The following IARS2 variants were observed in gnomAD, a reference collection of about 807,000 sequenced individuals.
IARS2 encodes the protein isoleucyl-tRNA synthetase 2, mitochondrial.
In IARS2, 56 loss-of-function variants were observed where a neutral mutation model predicts 126.3. The observed-to-expected ratio is 0.44, with a 90% confidence interval of 0.36 to 0.55. IARS2 has a LOEUF of 0.55. IARS2 is among the 20% of genes least tolerant of loss of function. IARS2 has a pLI of 0.00. For synonymous variants in IARS2, 407 were observed against 441.1 expected (o/e 0.92, Z 0.97); for missense variants, 1,127 against 1,245.9 (o/e 0.90, Z 1.44).
chr1:220,120,721 A>G (rs1657025059), intron 12 of IARS2, among the ~76,000 whole-genome samples: 1 of 152,118 alleles, frequency 6.6e-6, no homozygotes, highest in Non-Finnish European at 1.5e-5. Context: ...ATTATGTACA[A>G]CATGTTTTGA....
At position 220,147,220 on chromosome 1, in the gene IARS2, GCT is replaced by G. The variant is rs541725139; in HGVS notation, c.2897-270_2897-269del. 9.7e-4 allele frequency among the ~76,000 whole-genome samples: 148 copies of G among 152,306 alleles called. 2 individuals carry two copies. The highest frequency in any genetic ancestry group is 3.4e-3 in the Middle Eastern group (1 of 294). On this transcript the variant is annotated intron_variant, in intron 22 of 22. Coordinates refer to ENST00000366922, the MANE Select transcript of IARS2 (RefSeq NM_018060.4). ...CCCAAATTTAACAGCTAGAAAGTCT[GCT>G]CTGCCTGAGTAGATGTAGAACTCGG...
chr1:220,138,998 C>T lies in IARS2; in HGVS notation c.2176-10C>T. 3 of 1,600,786 alleles carry T rather than the reference C, an allele frequency of 1.9e-6. No individual in the cohort carries two copies. The highest frequency in any genetic ancestry group is 1.8e-5 in the Admixed American group (1 of 56,442). On this transcript the variant is annotated splice_polypyrimidine_tract_variant and intron_variant, in intron 17 of 22. Coordinates refer to ENST00000366922, the MANE Select transcript of IARS2 (RefSeq NM_018060.4). The stretch of plus-strand genomic sequence containing the variant: ...TTTTTTAACTGCATATTTTTTCTTC[C>T]TATGAATAGCTTAGGAATACACTTC...
Position 220,114,490 on chromosome 1 carries a change from A to G in IARS2, c.1640+16A>G. The stretch of plus-strand genomic sequence containing the variant: ...TGATCAACAGGTAGAATGCTTTCTA[A>G]AATTTTTTAGTGTTTTAAAGTGAAA... On this transcript the variant is annotated intron_variant, in intron 12 of 22. Coordinates refer to ENST00000366922, the MANE Select transcript of IARS2 (RefSeq NM_018060.4). 6.3e-6 allele frequency: 10 copies of G among 1,580,878 alleles called. No homozygotes were observed. The highest frequency in any genetic ancestry group is 8.6e-6 in the Non-Finnish European group (10 of 1,166,838).
intron 1 of IARS2, 111 bp from the exon 2 acceptor site, chr1:220,095,993 G>C (rs762513870): frequency 1.6e-6 from 1 of 639,428 alleles, no homozygotes; most frequent in Non-Finnish European, 2.7e-6. Context: ...GAATGGAATA[G>C]ATTGGAATGT....
chr1:220,113,039 A>AT (rs1467849201), intron 11 of IARS2, among the ~76,000 whole-genome samples: 1 of 151,812 alleles, frequency 6.6e-6, no homozygotes, highest in Non-Finnish European at 1.5e-5. Flanking sequence ...ATTTTTTTGT[A>AT]TTTTTGGTAG....
intron 14 of IARS2, among the ~76,000 whole-genome samples, chr1:220,133,288 G>A (rs1216804833): frequency 4.6e-5 from 7 of 152,024 alleles, no homozygotes; most frequent in South Asian, 2.1e-4. Context: ...TTACAGGCAC[G>A]AGACACTGCA....
chr1:220,105,092 A>T (rs1352451608), intron 8 of IARS2, among the ~76,000 whole-genome samples: 1 of 152,114 alleles, frequency 6.6e-6, no homozygotes, highest in Non-Finnish European at 1.5e-5. Flanking sequence ...CAATAGGGTA[A>T]TAAAAATAAA....
At chr1:220,113,970 A>G (rs1015311914) in intron 11 of IARS2, among the ~76,000 whole-genome samples, 4 of 152,206 alleles carry the variant, frequency 2.6e-5, no homozygotes, top group East Asian at 3.8e-4. Context: ...TTAGTGAAGT[A>G]TAATAGTTCT....
intron 16 of IARS2, chr1:220,137,708 A>G (rs1657403245): frequency 7.5e-6 from 4 of 534,098 alleles, no homozygotes; most frequent in Non-Finnish European, 1.3e-5. Context: ...GCATTGAACA[A>G]GATTGCAGAG....
At chr1:220,100,029 T>C (rs1476133395) in intron 2 of IARS2, among the ~76,000 whole-genome samples, 1 of 152,232 alleles carries the variant, frequency 6.6e-6, no homozygotes, top group East Asian at 1.9e-4. Flanking sequence ...GAGCCAAATC[T>C]ATCCTTTGCC....
chr1:220,136,253 T>C (rs1052475510), intron 15 of IARS2, among the ~76,000 whole-genome samples: 1 of 152,108 alleles, frequency 6.6e-6, no homozygotes, highest in African/African-American at 2.4e-5. Context: ...TGCCTCAGCC[T>C]CCCAAGTATC....
At chr1:220,129,118 A>G (rs566013223) in intron 14 of IARS2, among the ~76,000 whole-genome samples, 23 of 152,158 alleles carry the variant, frequency 1.5e-4, no homozygotes, top group African/African-American at 5.5e-4. Flanking sequence ...CCTGGCCTCA[A>G]GTGATCCATC....
At chr1:220,126,708 T>G in intron 13 of IARS2, 42 bp from the exon 14 acceptor site, 5 of 1,420,968 alleles carry the variant, frequency 3.5e-6, no homozygotes, top group South Asian at 1.2e-5. Context: ...GTCTATATTG[T>G]GATCTTTGTG....
chr1:220,101,131 T>G (rs1362300674), intron 3 of IARS2, among the ~76,000 whole-genome samples: 5 of 152,190 alleles, frequency 3.3e-5, no homozygotes, highest in African/African-American at 4.8e-5. Flanking sequence ...TACTTCCTTG[T>G]GAAACCTATT....
Position 220,094,493 on chromosome 1 carries a change from C to A in IARS2, c.267+10C>A. On this transcript the variant is annotated intron_variant, in intron 1 of 22. Transcript: ENST00000366922. ...GCTGGAGATCCAGCAGGTACGGGCC[C>A]CGCCTCGGCGCGGGGCCTCCAGAGA... is the stretch of plus-strand genomic sequence containing the variant. 6.3e-7 allele frequency: 1 copy of A among 1,581,942 alleles called. No individual in the cohort carries two copies. Among genetic ancestry groups the A allele is most frequent in the East Asian group, 2.3e-5 (1 of 43,274 alleles).
At chr1:220,136,967 G>T in intron 16 of IARS2, 56 bp downstream of exon 16, 5 of 1,039,250 alleles carry the variant, frequency 4.8e-6, no homozygotes, top group Non-Finnish European at 7.4e-6. Context: ...TAAATTGGCA[G>T]CCAAAGCCCT....
At chr1:220,142,919 G>T in intron 20 of IARS2, 25 bp from the exon 21 acceptor site, 1 of 1,549,682 alleles carries the variant, frequency 6.5e-7, no homozygotes, top group Non-Finnish European at 8.8e-7. Flanking sequence ...TTGTAAAGCA[G>T]TTTACTATTT....
chr1:220,109,154 G>A lies in IARS2; in HGVS notation c.1328-1632G>A, dbSNP rs573666846. Among the ~76,000 whole-genome samples the A allele has an allele frequency of 2.1e-3, 326 of 151,996 alleles. 1 individual carries two copies. The highest frequency in any genetic ancestry group is 0.011 in the South Asian group (53 of 4,822). On this transcript the variant is annotated intron_variant, in intron 10 of 22. Coordinates refer to ENST00000366922, the MANE Select transcript of IARS2 (RefSeq NM_018060.4). ...GGTGGCTCACCCCTGTAATCCCAGC[G>A]CTTTGGGAGGCTGAAGCGGACATAT...
chr1:220,108,950 A>G (rs759161487), intron 10 of IARS2, among the ~76,000 whole-genome samples: 20 of 138,214 alleles, frequency 1.4e-4, no homozygotes, highest in Admixed American at 3.3e-4. Flanking sequence ...CAGGTGGACT[A>G]TTGATTTCTG....
Sources: allele counts gnomAD v4.1 joint callset (sites outside exome capture counted in the v4.1 genomes callset), GRCh38; gene constraint gnomAD v4.1.1; transcripts MANE v1.5; gene names NCBI Gene and HGNC (gene_info 2026-07-23, HGNC 2026-07-21).